The following NSUN7 variants were observed in gnomAD, a reference collection of about 807,000 sequenced individuals.
NSUN7 encodes the protein NOP2/Sun RNA methyltransferase family member 7.
NSUN7 carries 39 observed loss-of-function variants against 58.5 expected under a neutral mutation model. The ratio of observed to expected loss-of-function variants is 0.67; its 90% CI spans 0.52 to 0.87. The LOEUF (loss-of-function observed/expected upper bound fraction) is 0.87, where lower values mean the gene tolerates loss of function less well. Among genes scored for constraint, NSUN7 ranks in the 40% least tolerant of loss-of-function variants. The pLI is 0.00. For synonymous variants in NSUN7, 278 were observed against 303.7 expected (o/e 0.92, Z 0.88); for missense variants, 765 against 844.1 (o/e 0.91, Z 1.16).
rs1741451903 is a variant in NSUN7 at position 40,761,271 on chromosome 4, A to G, written c.458A>G (p.Glu153Gly). ...TCTGATAATGAAGAGCCCATATCAG[A>G]AGTTCAAGAAGTAGAGAACCTTCTT... ...VLSDNEEPIS[E>G]VQEVENLLNS... is the part of the protein sequence containing the mutation. Residue 153 changes from glutamate (E) to glycine (G), a missense_variant, in exon 4 of 12, where the codon GAA becomes GGA. Glu to Gly is a moderately conservative substitution (Grantham distance 98). Coordinates refer to ENST00000381782, the MANE Select transcript of NSUN7 (RefSeq NM_024677.6). The G allele has an allele frequency of 6.3e-7, 1 of 1,597,612 alleles. No homozygotes were observed. The highest frequency in any genetic ancestry group is 2.3e-5 in the East Asian group (1 of 44,398).
intron 11 of NSUN7, 38 bp from the exon 12 acceptor site, chr4:40,808,269 C>A: frequency 1.3e-6 from 2 of 1,554,394 alleles, no homozygotes; most frequent in Non-Finnish European, 1.7e-6. Context: ...ACAATAATAG[C>A]TAACTCCCAC....
intron 9 of NSUN7, among the ~76,000 whole-genome samples, chr4:40,797,415 G>A (rs533832648): frequency 6.6e-6 from 1 of 152,184 alleles, no homozygotes; most frequent in East Asian, 1.9e-4. Flanking sequence ...TCATCTCAAA[G>A]CTAACATGTC....
chr4:40,794,546 C>G, intron 9 of NSUN7, 70 bp downstream of exon 9: 1 of 910,084 alleles, frequency 1.1e-6, no homozygotes. Context: ...CTTTCACGAT[C>G]TATTATAATC....
rs367933730 is a variant in NSUN7 at position 40,751,125 on chromosome 4, A to G, written c.298+134A>G. On this transcript the variant is annotated intron_variant, in intron 2 of 11. Transcript: ENST00000381782. ...TTTAGGCATGTGCATATCTTTGGTTAATTGCAAGTGTCAAGGAATTAGGGT... is the reference window on the plus strand; with the variant it reads ...TTTAGGCATGTGCATATCTTTGGTTGATTGCAAGTGTCAAGGAATTAGGGT... The G allele has an allele frequency of 7.6e-6, 7 of 918,684 alleles. No individual in the cohort carries two copies. In the African/African-American group the frequency reaches 1.0e-4, roughly 13 times the overall value. 56.9% of individuals were successfully genotyped at this position (918,684 alleles called of 1,614,324 possible). A position where few individuals can be genotyped will look rare whatever the true frequency, so the allele number is the denominator to read the frequency against.
intron 2 of NSUN7, among the ~76,000 whole-genome samples, chr4:40,753,854 A>C (rs1368935150): frequency 6.6e-6 from 1 of 152,018 alleles, no homozygotes; most frequent in Non-Finnish European, 1.5e-5. Context: ...TGGTTCTATA[A>C]GGGGGAGTTT....
chr4:40,777,660 T>G (rs1437799499), intron 7 of NSUN7, among the ~76,000 whole-genome samples: 3 of 152,282 alleles, frequency 2.0e-5, no homozygotes, highest in African/African-American at 4.8e-5. Flanking sequence ...CCACTCAATT[T>G]TATAAAACAC....
intron 4 of NSUN7, among the ~76,000 whole-genome samples, chr4:40,764,449 T>C (rs1186258401): frequency 2.0e-5 from 3 of 152,084 alleles, no homozygotes; most frequent in African/African-American, 7.2e-5. Context: ...ATGGTGTATA[T>C]GTGCCACATT....
intron 4 of NSUN7, 68 bp downstream of exon 4, chr4:40,761,369 A>G (rs1741457109): frequency 4.8e-6 from 6 of 1,242,164 alleles, no homozygotes; most frequent in South Asian, 3.9e-5. Context: ...GTAAAATTAC[A>G]TACAGTATAA....
At chr4:40,758,884 CA>C (rs998700085) in intron 2 of NSUN7, among the ~76,000 whole-genome samples, 1 of 147,470 alleles carries the variant, frequency 6.8e-6, no homozygotes, top group Non-Finnish European at 1.5e-5. Flanking sequence ...GACTCTGTCT[CA>C]AAAAAAAAGA....
intron 4 of NSUN7, among the ~76,000 whole-genome samples, chr4:40,766,416 A>G (rs879834537): frequency 0.015 from 2,240 of 151,912 alleles, 28 homozygotes; most frequent in African/African-American, 0.027. Context: ...CCAGCCTTGC[A>G]TCCCAGGGAT....
At chr4:40,770,204 C>A (rs1577555317) in intron 4 of NSUN7, among the ~76,000 whole-genome samples, 1 of 112,098 alleles carries the variant, frequency 8.9e-6, no homozygotes, top group Admixed American at 1.0e-4. Context: ...GAGGGAAACT[C>A]CATCTCAAAA....
chr4:40,764,414 A>AT (rs1267478693), intron 4 of NSUN7, among the ~76,000 whole-genome samples: 1 of 151,712 alleles, frequency 6.6e-6, no homozygotes. Flanking sequence ...TGAACTCATC[A>AT]TTTTTTATGG....
At chr4:40,779,761 A>G (rs1236107991) in intron 7 of NSUN7, among the ~76,000 whole-genome samples, 9 of 152,232 alleles carry the variant, frequency 5.9e-5, no homozygotes, top group Non-Finnish European at 5.9e-5. Flanking sequence ...GTTATATGCA[A>G]TTAAAATAAA....
At chr4:40,800,793 C>T (rs180955538) in intron 10 of NSUN7, among the ~76,000 whole-genome samples, 64 of 151,966 alleles carry the variant, frequency 4.2e-4, no homozygotes, top group African/African-American at 1.4e-3. Context: ...AATGTTTGGA[C>T]CTGCAGATTT....
At chr4:40,788,577 T>C (rs565847031) in intron 7 of NSUN7, among the ~76,000 whole-genome samples, 1 of 152,342 alleles carries the variant, frequency 6.6e-6, no homozygotes, top group South Asian at 2.1e-4. Flanking sequence ...CGTTTCTCCA[T>C]TGCCAACTGC....
At chr4:40,757,632 TTGTG>T (rs927135597) in intron 2 of NSUN7, among the ~76,000 whole-genome samples, 1 of 144,768 alleles carries the variant, frequency 6.9e-6, no homozygotes, top group Non-Finnish European at 1.5e-5. Flanking sequence ...TATATATACA[TTGTG>T]TGTATATATA....
chr4:40,753,225 G>C (rs1466604876), intron 2 of NSUN7, among the ~76,000 whole-genome samples: 1 of 150,352 alleles, frequency 6.7e-6, no homozygotes, highest in East Asian at 1.9e-4. Flanking sequence ...TATTATTTTT[G>C]TCCTCTCCCT....
At chr4:40,781,637 C>T (rs1362558777) in intron 7 of NSUN7, among the ~76,000 whole-genome samples, 1 of 151,988 alleles carries the variant, frequency 6.6e-6, no homozygotes. Flanking sequence ...GTAGAGATGA[C>T]ATCTCACTAT....
At chr4:40,760,728 G>C (rs1202798543) in intron 3 of NSUN7, among the ~76,000 whole-genome samples, 1 of 151,976 alleles carries the variant, frequency 6.6e-6, no homozygotes, top group Non-Finnish European at 1.5e-5. Flanking sequence ...GGGTGTGGTG[G>C]CACATGCCTG....
Sources: allele counts gnomAD v4.1 joint callset (sites outside exome capture counted in the v4.1 genomes callset), GRCh38; gene constraint gnomAD v4.1.1; transcripts MANE v1.5; gene names NCBI Gene and HGNC (gene_info 2026-07-23, HGNC 2026-07-21).